Variants in LRRC7 observed in about 807,000 individuals in gnomAD.
LRRC7 encodes the protein leucine rich repeat containing 7.
In LRRC7, 23 loss-of-function variants were observed where a neutral mutation model predicts 175.7. That is an observed-to-expected ratio of 0.13 (90% CI 0.09 to 0.19). The LOEUF is 0.19. LRRC7 is among the 10% of genes least tolerant of loss of function. LRRC7 has a pLI of 1.00. For missense variants in LRRC7, 1,354 were observed against 1,904.7 expected (o/e 0.71, Z 5.38); for synonymous variants, 685 against 680.9 (o/e 1.01, Z -0.09).
At position 70,016,465 on chromosome 1, in the gene LRRC7, A is replaced by G. The variant is rs756244507; in HGVS notation, c.1251A>G (p.Arg417=). 3.2e-5 allele frequency: 51 copies of G among 1,580,196 alleles called. No individual in the cohort carries two copies. The highest frequency in any genetic ancestry group is 1.7e-4 in the Middle Eastern group (1 of 5,928). The change falls in exon 14 of 27, where the codon AGA becomes AGG. Residue 417 remains arginine, a splice_region_variant and synonymous_variant. Transcript: ENST00000651989. ...TATTAGACTTTTTGTGTTTTTGCAG[A>G]TTGAAGAATTTACCATTCTCATTTA... is the stretch of plus-strand genomic sequence containing the variant. ...KLRVLNLSDN[R]LKNLPFSFTK...
Position 70,130,931 on chromosome 1 carries a change from C to T in LRRC7, c.*9044C>T, listed in dbSNP as rs989973522. Among the ~76,000 whole-genome samples, 8 of 152,168 alleles carry T rather than the reference C, an allele frequency of 5.3e-5. No homozygotes were observed. Among genetic ancestry groups the T allele is most frequent in the African/African-American group, 1.9e-4 (8 of 41,416 alleles). On this transcript the variant is annotated 3_prime_UTR_variant, in exon 27 of 27. Transcript: ENST00000651989. Reference sequence around the variant, plus strand: ...TCCTTTAAGTAGATAAAAGAATAGTCTGTCTACAGGCTGTTGGCCACAGTT... The same window carrying T: ...TCCTTTAAGTAGATAAAAGAATAGTTTGTCTACAGGCTGTTGGCCACAGTT...
chr1:69,863,496 A>G (rs927136658), intron 7 of LRRC7, among the ~76,000 whole-genome samples: 2 of 152,154 alleles, frequency 1.3e-5, no homozygotes, highest in African/African-American at 4.8e-5. Flanking sequence ...TTTTAAATTC[A>G]TTCATTAGAG....
At chr1:70,052,498 G>T (rs555293219) in intron 22 of LRRC7, among the ~76,000 whole-genome samples, 3 of 151,788 alleles carry the variant, frequency 2.0e-5, no homozygotes, top group Non-Finnish European at 4.4e-5. Flanking sequence ...TGTTGATAAC[G>T]CCATAGTACC....
At chr1:70,052,933 T>C (rs749823715) in intron 22 of LRRC7, 93 bp from the exon 23 acceptor site, 8 of 1,318,744 alleles carry the variant, frequency 6.1e-6, no homozygotes, top group African/African-American at 1.5e-5. Context: ...TTAAACAAAA[T>C]TAATTTTACC....
intron 9 of LRRC7, 107 bp from the exon 10 acceptor site, chr1:69,986,132 ATTG>A: frequency 3.1e-6 from 3 of 973,604 alleles, no homozygotes; most frequent in Non-Finnish European, 4.5e-6. Context: ...AACACTTGTT[ATTG>A]TTGTGGTTGC....
chr1:69,856,914 C>T (rs1683712563), intron 7 of LRRC7, among the ~76,000 whole-genome samples: 1 of 152,146 alleles, frequency 6.6e-6, no homozygotes, highest in Non-Finnish European at 1.5e-5. Flanking sequence ...GCTTATCCAC[C>T]ATGATCAAGT....
Position 70,128,351 on chromosome 1 carries a change from G to C in LRRC7, c.*6464G>C, listed in dbSNP as rs1666530252. ...AAATGAATCACCCAATCTTTCTCTA[G>C]TTTTGAAAGTGTATTTTTTTATCAC... On this transcript the variant is annotated 3_prime_UTR_variant, in exon 27 of 27. Transcript: ENST00000651989. Among the ~76,000 whole-genome samples, 1 of 152,166 alleles carries C rather than the reference G, an allele frequency of 6.6e-6. No individual in the cohort carries two copies. The highest frequency in any genetic ancestry group is 6.5e-5 in the Admixed American group (1 of 15,278).
intron 8 of LRRC7, among the ~76,000 whole-genome samples, chr1:69,939,677 T>C (rs1465912610): frequency 6.6e-6 from 1 of 151,418 alleles, no homozygotes; most frequent in Non-Finnish European, 1.5e-5. Context: ...GAAGTGTTGA[T>C]TTTTGTGACT....
chr1:69,867,830 A>T (rs2101565308), intron 7 of LRRC7, among the ~76,000 whole-genome samples: 1 of 152,264 alleles, frequency 6.6e-6, no homozygotes, highest in African/African-American at 2.4e-5. Flanking sequence ...ACAGATGCAA[A>T]AAGTTTGAAG....
At chr1:69,837,817 T>A (rs546604652) in intron 6 of LRRC7, among the ~76,000 whole-genome samples, 2 of 151,382 alleles carry the variant, frequency 1.3e-5, no homozygotes, top group South Asian at 4.2e-4. Context: ...GTAACCCTAC[T>A]CATAATCAAT....
chr1:69,866,255 C>T (rs1684937204), intron 7 of LRRC7, among the ~76,000 whole-genome samples: 1 of 152,142 alleles, frequency 6.6e-6, no homozygotes, highest in Non-Finnish European at 1.5e-5. Context: ...GAATCTTCTC[C>T]TTACTTTATC....
At chr1:69,799,746 T>C (rs1316007302) in intron 4 of LRRC7, among the ~76,000 whole-genome samples, 1 of 152,138 alleles carries the variant, frequency 6.6e-6, no homozygotes, top group African/African-American at 2.4e-5. Context: ...TGTCTCAATG[T>C]CTCTTTTTGG....
chr1:70,122,117 G>A lies in LRRC7; in HGVS notation c.*230G>A, dbSNP rs780928384. On this transcript the variant is annotated 3_prime_UTR_variant, in exon 27 of 27. Transcript: ENST00000651989. ...TGTCAGCCTCTGGCTGTGCATTGGT[G>A]CAGTTTTGTTTCTGTTTTTGTTTTT... 4 of 337,198 alleles carry A rather than the reference G, an allele frequency of 1.2e-5. No homozygotes were observed. Among genetic ancestry groups the A allele is most frequent in the Non-Finnish European group, 2.1e-5 (4 of 187,408 alleles). The allele number at this position is 337,198 out of a possible 1,614,324, so 20.9% of individuals were successfully genotyped here.
chr1:70,107,253 C>A (rs1016089662), intron 25 of LRRC7, among the ~76,000 whole-genome samples: 1 of 152,118 alleles, frequency 6.6e-6, no homozygotes, highest in Non-Finnish European at 1.5e-5. Context: ...TATTAAAATT[C>A]TCAGTAACAT....
chr1:69,672,947 C>T (rs1659288475), intron 1 of LRRC7, among the ~76,000 whole-genome samples: 2 of 152,194 alleles, frequency 1.3e-5, no homozygotes, highest in South Asian at 2.1e-4. Context: ...TTTCTGGCTA[C>T]TCTTTTCATT....
intron 8 of LRRC7, among the ~76,000 whole-genome samples, chr1:69,969,053 C>A (rs1032949613): frequency 6.6e-6 from 1 of 152,010 alleles, no homozygotes; most frequent in African/African-American, 2.4e-5. Flanking sequence ...CTCCTGACCT[C>A]GTGATCTGCC....
At chr1:69,923,784 T>G (rs1646968786) in intron 7 of LRRC7, among the ~76,000 whole-genome samples, 1 of 152,132 alleles carries the variant, frequency 6.6e-6, no homozygotes. Context: ...TTTCTTTTGC[T>G]GTGCAGAAGC....
At chr1:70,035,516 A>T (rs969585369) in intron 18 of LRRC7, among the ~76,000 whole-genome samples, 6 of 151,440 alleles carry the variant, frequency 4.0e-5, no homozygotes, top group African/African-American at 1.5e-4. Flanking sequence ...ATAGAACTTG[A>T]GAAATTGAGG....
intron 1 of LRRC7, among the ~76,000 whole-genome samples, chr1:69,580,348 CTAT>C (rs1458494269): frequency 2.6e-5 from 4 of 151,994 alleles, no homozygotes; most frequent in Admixed American, 1.3e-4. Context: ...TTTAACAAAA[CTAT>C]TATTTAATAC....
Sources: allele counts gnomAD v4.1 joint callset (sites outside exome capture counted in the v4.1 genomes callset), GRCh38; gene constraint gnomAD v4.1.1; transcripts MANE v1.5; gene names NCBI Gene and HGNC (gene_info 2026-07-23, HGNC 2026-07-21).